RSRC1: variants seen among roughly 807,000 people sequenced by gnomAD.
RSRC1 encodes arginine and serine rich coiled-coil 1, also known as serine/Arginine-related protein 53.
Under a neutral mutation model 49.1 loss-of-function variants are expected in RSRC1, and 39 were observed. The ratio of observed to expected loss-of-function variants is 0.79; its 90% CI spans 0.61 to 1.04. The LOEUF is 1.04. Ranked by LOEUF, RSRC1 falls within the 50% of genes least tolerant of loss-of-function variation. The probability of loss-of-function intolerance (pLI) is 0.00; values close to 1 mark genes in which losing one functional copy is unlikely to be tolerated. For missense variants in RSRC1, 388 were observed against 402.4 expected, an observed-to-expected ratio of 0.96 and a Z score of 0.31; for synonymous variants, 143 against 130.8, an observed-to-expected ratio of 1.09 and a Z score of -0.63.
At chr3:158,145,870 A>G (rs1393874287) in intron 3 of RSRC1, among the ~76,000 whole-genome samples, 3 of 152,032 alleles carry the variant, frequency 2.0e-5, no homozygotes, top group Non-Finnish European at 4.4e-5. Flanking sequence ...TTGGATTCCT[A>G]GGTATTTTAT....
chr3:158,384,489 C>G (rs1732863157), intron 6 of RSRC1, among the ~76,000 whole-genome samples: 1 of 152,074 alleles, frequency 6.6e-6, no homozygotes, highest in Non-Finnish European at 1.5e-5. Context: ...GCATGGCACA[C>G]TCAATGGCAT....
At chr3:158,526,556 A>G (rs892266966) in intron 7 of RSRC1, among the ~76,000 whole-genome samples, 1 of 152,026 alleles carries the variant, frequency 6.6e-6, no homozygotes, top group Non-Finnish European at 1.5e-5. Context: ...TGATTTGCCA[A>G]TGAACTCTGA....
chr3:158,456,778 A>C (rs1471308496), intron 6 of RSRC1, among the ~76,000 whole-genome samples: 1 of 152,134 alleles, frequency 6.6e-6, no homozygotes, highest in Non-Finnish European at 1.5e-5. Context: ...GATTATATAG[A>C]TCCTTGGAGT....
rs77413822 is a variant in RSRC1 at position 158,207,258 on chromosome 3, G to A, written c.494+4013G>A. Reference sequence around the variant, plus strand: ...GAAAATAGAACTGAAAGAATTTTCTGTACACTGTTTTTCCCTGATCAGCCC... The same window carrying A: ...GAAAATAGAACTGAAAGAATTTTCTATACACTGTTTTTCCCTGATCAGCCC... On this transcript the variant is annotated intron_variant, in intron 4 of 9. Coordinates refer to ENST00000611884, the MANE Select transcript of RSRC1 (RefSeq NM_001271838.2). Among the ~76,000 whole-genome samples, 1,308 of 152,236 alleles carry A rather than the reference G, an allele frequency of 8.6e-3. 15 individuals are homozygous for A. Among genetic ancestry groups the A allele is most frequent in the Non-Finnish European group, 0.012 (844 of 68,004 alleles).
chr3:158,178,903 G>T (rs1021506421), intron 3 of RSRC1, among the ~76,000 whole-genome samples: 3 of 151,878 alleles, frequency 2.0e-5, no homozygotes, highest in South Asian at 2.1e-4. Flanking sequence ...TTAAATTGTC[G>T]TTGCAAATGG....
chr3:158,416,648 T>C (rs919735646), intron 6 of RSRC1, among the ~76,000 whole-genome samples: 2 of 152,072 alleles, frequency 1.3e-5, no homozygotes, highest in Non-Finnish European at 2.9e-5. Flanking sequence ...TGATGCTAGA[T>C]GGCACAGAGG....
chr3:158,181,721 G>A (rs965499471), intron 3 of RSRC1, among the ~76,000 whole-genome samples: 2 of 152,128 alleles, frequency 1.3e-5, no homozygotes, highest in Middle Eastern at 3.4e-3. Context: ...TTCTAATATT[G>A]GGATAATTTA....
chr3:158,113,390 A>C (rs1191283404), intron 1 of RSRC1, among the ~76,000 whole-genome samples: 1 of 137,990 alleles, frequency 7.2e-6, no homozygotes. Context: ...TTTTTTTGAG[A>C]CGGGAGTCTC....
At chr3:158,123,758 C>A in intron 2 of RSRC1, 108 bp from the exon 3 acceptor site, 4 of 1,025,558 alleles carry the variant, frequency 3.9e-6, no homozygotes, top group South Asian at 1.6e-5. Flanking sequence ...TTCCAGGAAA[C>A]AGTGAGACAG....
At chr3:158,308,745 C>T (rs909555709) in intron 5 of RSRC1, among the ~76,000 whole-genome samples, 7 of 151,874 alleles carry the variant, frequency 4.6e-5, no homozygotes, top group South Asian at 2.1e-4. Flanking sequence ...GAAATTAAAT[C>T]GGAAAGTGCA....
chr3:158,298,791 T>C (rs1168249945), intron 5 of RSRC1, among the ~76,000 whole-genome samples: 1 of 152,184 alleles, frequency 6.6e-6, no homozygotes, highest in African/African-American at 2.4e-5. Context: ...GATCCAAATG[T>C]TGAATAATTA....
chr3:158,545,193 CTTTTTTTTTTTTTTT>C lies in RSRC1; in HGVS notation c.*930_*944del, dbSNP rs58161840. 5 of 74,624 alleles carry C rather than the reference CTTTTTTTTTTTTTTT, an allele frequency of 6.7e-5. No homozygotes were observed. The highest frequency in any genetic ancestry group is 1.1e-4 in the Non-Finnish European group (4 of 37,266). The allele number at this position is 74,624 out of a possible 1,614,324, so 4.6% of individuals were successfully genotyped here. A position where few individuals can be genotyped will look rare whatever the true frequency, so the allele number is the denominator to read the frequency against. Reference sequence around the variant, plus strand: ...CATGAATATTTCCCGTTTCTATTTTCTTTTTTTTTTTTTTTTTTTTTTTTTTGAGACGGAGTCTCG... The same window carrying C: ...CATGAATATTTCCCGTTTCTATTTTCTTTTTTTTTTTGAGACGGAGTCTCG... On this transcript the variant is annotated 3_prime_UTR_variant, in exon 10 of 10. Transcript: ENST00000611884.
chr3:158,527,147 C>T (rs949277298), intron 7 of RSRC1, among the ~76,000 whole-genome samples: 6 of 148,988 alleles, frequency 4.0e-5, no homozygotes, highest in African/African-American at 1.5e-4. Context: ...GAATATACTC[C>T]CAGCCCCATG....
At chr3:158,202,562 T>TTTTTTATATATATATATATATATA (rs369404609) in intron 3 of RSRC1, among the ~76,000 whole-genome samples, 1 of 92,024 alleles carries the variant, frequency 1.1e-5, no homozygotes, top group Non-Finnish European at 2.0e-5. Flanking sequence ...GTCTGGTAGA[T>TTTTTTATATATATATATATATATA]TATATATATA....
intron 5 of RSRC1, among the ~76,000 whole-genome samples, chr3:158,329,888 C>A (rs1006667888): frequency 6.6e-6 from 1 of 152,200 alleles, no homozygotes; most frequent in Non-Finnish European, 1.5e-5. Context: ...CCACCCAGTT[C>A]GAGCTTCTGG....
chr3:158,305,082 A>C (rs1727763737), intron 5 of RSRC1, among the ~76,000 whole-genome samples: 1 of 152,074 alleles, frequency 6.6e-6, no homozygotes. Flanking sequence ...TTTATTGAAA[A>C]TTGCTTCTGT....
intron 3 of RSRC1, among the ~76,000 whole-genome samples, chr3:158,129,288 C>CTTTTTTTTTTTTTTTTT: frequency 1.4e-5 from 1 of 71,082 alleles, no homozygotes; most frequent in Non-Finnish European, 2.5e-5. Flanking sequence ...TTCTTTCTTT[C>CTTTTTTTTTTTTTTTTT]TTTTTTTTTT....
intron 6 of RSRC1, among the ~76,000 whole-genome samples, chr3:158,378,660 A>G (rs1382604987): frequency 6.6e-6 from 1 of 152,194 alleles, no homozygotes; most frequent in Admixed American, 6.5e-5. Flanking sequence ...CTTAGGCAGA[A>G]TTTACAAATA....
chr3:158,145,675 A>T (rs1717049071), intron 3 of RSRC1, among the ~76,000 whole-genome samples: 1 of 152,124 alleles, frequency 6.6e-6, no homozygotes, highest in Admixed American at 6.5e-5. Flanking sequence ...GAAGAAAGTC[A>T]TTGGCAGCTT....
Sources: allele counts gnomAD v4.1 joint callset (sites outside exome capture counted in the v4.1 genomes callset), GRCh38; gene constraint gnomAD v4.1.1; transcripts MANE v1.5; gene names NCBI Gene and HGNC (gene_info 2026-07-23, HGNC 2026-07-21).